The following ADAMTS6 variants were observed in gnomAD, a reference collection of about 807,000 sequenced individuals.
ADAMTS6 encodes A disintegrin and metalloproteinase with thrombospondin motifs 6.
Under a neutral mutation model 144.3 loss-of-function variants are expected in ADAMTS6, and 23 were observed. The observed-to-expected ratio is 0.16, with a 90% CI of 0.11 to 0.23. The LOEUF (loss-of-function observed/expected upper bound fraction) is 0.23. Ranked by LOEUF, ADAMTS6 falls within the 10% of genes least tolerant of loss-of-function variation. The pLI is 1.00. For synonymous variants in ADAMTS6, 444 were observed against 457.5 expected, an observed-to-expected ratio of 0.97 and a Z score of 0.38; for missense variants, 999 against 1,379.6, an observed-to-expected ratio of 0.72 and a Z score of 4.37.
chr5:65,234,192 T>C (rs1412307318), intron 15 of ADAMTS6, among the ~76,000 whole-genome samples: 1 of 150,856 alleles, frequency 6.6e-6, no homozygotes, highest in Non-Finnish European at 1.5e-5. Context: ...GAAGAAAACA[T>C]AAGGGCAAAG....
intron 22 of ADAMTS6, among the ~76,000 whole-genome samples, chr5:65,179,854 C>T (rs1754227473): frequency 6.6e-6 from 1 of 152,068 alleles, no homozygotes; most frequent in African/African-American, 2.4e-5. Context: ...TATGTATTTA[C>T]ATGTCTTTTC....
chr5:65,403,219 T>C (rs1418313470), intron 7 of ADAMTS6, among the ~76,000 whole-genome samples: 1 of 152,164 alleles, frequency 6.6e-6, no homozygotes, highest in East Asian at 1.9e-4. Flanking sequence ...TTTTTCTGTC[T>C]GCTTTCTTGA....
chr5:65,307,600 A>G (rs1744056126), intron 9 of ADAMTS6, among the ~76,000 whole-genome samples: 1 of 152,200 alleles, frequency 6.6e-6, no homozygotes, highest in Admixed American at 6.5e-5. Flanking sequence ...TACAATTCAC[A>G]TATACAGCAA....
At chr5:65,426,101 C>A (rs938424005) in intron 7 of ADAMTS6, among the ~76,000 whole-genome samples, 1 of 150,462 alleles carries the variant, frequency 6.6e-6, no homozygotes, top group South Asian at 2.1e-4. Flanking sequence ...GGCTAGAGTG[C>A]AATGGTGCAA....
At chr5:65,302,131 C>T (rs1196938681) in intron 9 of ADAMTS6, among the ~76,000 whole-genome samples, 4 of 137,752 alleles carry the variant, frequency 2.9e-5, no homozygotes, top group African/African-American at 8.1e-5. Flanking sequence ...TATATATATG[C>T]ACATATAATA....
chr5:65,301,272 A>C (rs1478391742), intron 9 of ADAMTS6, among the ~76,000 whole-genome samples: 1 of 152,180 alleles, frequency 6.6e-6, no homozygotes, highest in African/African-American at 2.4e-5. Flanking sequence ...ACGTTTCTTC[A>C]CAAGTAACCA....
At chr5:65,210,944 C>T (rs549766445) in intron 20 of ADAMTS6, 1 of 246,634 alleles carries the variant, frequency 4.1e-6, no homozygotes, top group Admixed American at 4.3e-5. Flanking sequence ...CTTATAAAGA[C>T]AATAGACTTA....
At chr5:65,201,341 C>A (rs967588748) in intron 20 of ADAMTS6, among the ~76,000 whole-genome samples, 3 of 152,160 alleles carry the variant, frequency 2.0e-5, no homozygotes, top group African/African-American at 7.2e-5. Context: ...TCTTTCTCTT[C>A]TTTCAGAGAA....
At chr5:65,378,165 G>A (rs184201106) in intron 7 of ADAMTS6, among the ~76,000 whole-genome samples, 1 of 152,036 alleles carries the variant, frequency 6.6e-6, no homozygotes, top group Admixed American at 6.6e-5. Context: ...ATATCTTTTG[G>A]GGGGATACAA....
chr5:65,204,840 A>T (rs1296709072), intron 20 of ADAMTS6, among the ~76,000 whole-genome samples: 1 of 152,218 alleles, frequency 6.6e-6, no homozygotes, highest in Non-Finnish European at 1.5e-5. Flanking sequence ...AAAAAATAAT[A>T]GTACATTGTA....
intron 15 of ADAMTS6, among the ~76,000 whole-genome samples, chr5:65,239,263 T>TAAAAAAAAAA: frequency 7.0e-6 from 1 of 142,864 alleles, no homozygotes; most frequent in Non-Finnish European, 1.5e-5. Context: ...ACTTAATGTA[T>TAAAAAAAAAA]AAAAAAAAAA....
intron 22 of ADAMTS6, among the ~76,000 whole-genome samples, chr5:65,178,841 C>G (rs1196781177): frequency 2.6e-5 from 4 of 152,146 alleles, no homozygotes; most frequent in African/African-American, 9.7e-5. Context: ...CCCGCATAAC[C>G]ACTGAAGTTT....
chr5:65,390,589 G>T (rs1752831550), intron 7 of ADAMTS6, among the ~76,000 whole-genome samples: 1 of 152,122 alleles, frequency 6.6e-6, no homozygotes, highest in African/African-American at 2.4e-5. Flanking sequence ...CTCTAATTCT[G>T]CATATGTTCT....
At chr5:65,452,457 CA>C (rs1758828884) in intron 5 of ADAMTS6, among the ~76,000 whole-genome samples, 1 of 117,702 alleles carries the variant, frequency 8.5e-6, no homozygotes, top group Non-Finnish European at 1.8e-5. Flanking sequence ...GCTGATGTTT[CA>C]AGTTAAAAAA....
At chr5:65,432,190 T>A (rs1051697560) in intron 7 of ADAMTS6, among the ~76,000 whole-genome samples, 2 of 151,948 alleles carry the variant, frequency 1.3e-5, no homozygotes, top group African/African-American at 2.4e-5. Flanking sequence ...TTAGTAGATA[T>A]CATCTCAAAA....
intron 14 of ADAMTS6, among the ~76,000 whole-genome samples, chr5:65,252,560 T>C (rs1760269104): frequency 2.0e-5 from 3 of 150,380 alleles, no homozygotes; most frequent in African/African-American, 4.8e-5. Flanking sequence ...ATATTTTAAA[T>C]TATATATATT....
At chr5:65,301,193 C>G (rs1743339233) in intron 9 of ADAMTS6, among the ~76,000 whole-genome samples, 1 of 152,154 alleles carries the variant, frequency 6.6e-6, no homozygotes, top group Admixed American at 6.5e-5. Flanking sequence ...GATATACCCA[C>G]TACATACCAT....
chr5:65,454,554 T>C (rs1183110585), intron 4 of ADAMTS6, among the ~76,000 whole-genome samples: 28 of 152,220 alleles, frequency 1.8e-4, no homozygotes, highest in Admixed American at 1.8e-3. Context: ...TGTGATTTCC[T>C]CCTTTTGAAT....
At chr5:65,350,466 T>G (rs1055545606) in intron 7 of ADAMTS6, among the ~76,000 whole-genome samples, 1 of 152,198 alleles carries the variant, frequency 6.6e-6, no homozygotes, top group African/African-American at 2.4e-5. Flanking sequence ...TCTTTAGCGG[T>G]AGCACAGAGA....
Sources: allele counts gnomAD v4.1 joint callset (sites outside exome capture counted in the v4.1 genomes callset), GRCh38; gene constraint gnomAD v4.1.1; transcripts MANE v1.5; gene names NCBI Gene and HGNC (gene_info 2026-07-23, HGNC 2026-07-21).